ABCA13: variants seen among roughly 807,000 people sequenced by gnomAD.
The protein encoded by ABCA13 is ATP binding cassette subfamily A member 13, also known as ATP-binding cassette sub-family A member 13.
In ABCA13, 476 loss-of-function variants were observed where a neutral mutation model predicts 478.7. That is an observed-to-expected ratio of 0.99 (90% confidence interval 0.92 to 1.07). The LOEUF (loss-of-function observed/expected upper bound fraction) is 1.07. ABCA13 is among the 50% of genes least tolerant of loss of function. The pLI, the probability that ABCA13 is intolerant of heterozygous loss-of-function variation, is 0.00. For synonymous variants in ABCA13, 2,252 were observed against 2,158.9 expected, an observed-to-expected ratio of 1.04 and a Z score of -1.20; for missense variants, 6,060 against 5,910.6, an observed-to-expected ratio of 1.03 and a Z score of -0.83.
At chr7:48,544,666 T>C (rs1784658417) in intron 55 of ABCA13, among the ~76,000 whole-genome samples, 1 of 151,860 alleles carries the variant, frequency 6.6e-6, no homozygotes, top group East Asian at 1.9e-4. Context: ...ATTTCTATCT[T>C]TTGTAATAGT....
chr7:48,234,364 GA>G, intron 8 of ABCA13: 1 of 614,552 alleles, frequency 1.6e-6, no homozygotes. Flanking sequence ...TTTTATCCCA[GA>G]ATGGAAAGGC....
intron 58 of ABCA13, among the ~76,000 whole-genome samples, chr7:48,600,335 T>A (rs936497565): frequency 6.6e-6 from 1 of 151,716 alleles, no homozygotes; most frequent in Non-Finnish European, 1.5e-5. Flanking sequence ...ATAGATTGTG[T>A]ATAGTTGGAT....
intron 43 of ABCA13, 121 bp from the exon 44 acceptor site, chr7:48,466,835 G>C (rs1826927685): frequency 1.1e-6 from 1 of 885,648 alleles, no homozygotes; most frequent in Non-Finnish European, 1.9e-6. Context: ...CACTTACTAG[G>C]AATCATTAGA....
At position 48,587,302 on chromosome 7, in the gene ABCA13, T is replaced by C. The variant is rs1182373015; in HGVS notation, c.14640+14T>C. ...ATTCTTTTATTGGTGAGTAGAAGAA[T>C]GTCAATATCTTGGAGTAAGATACAT... On this transcript the variant is annotated intron_variant, in intron 57 of 61. Coordinates refer to ENST00000435803, the MANE Select transcript of ABCA13 (RefSeq NM_152701.5). 2 of 1,591,406 alleles carry C rather than the reference T, an allele frequency of 1.3e-6. No individual in the cohort carries two copies. Among genetic ancestry groups the C allele is most frequent in the Non-Finnish European group, 1.7e-6 (2 of 1,167,430 alleles).
chr7:48,547,386 G>A (rs2141251), intron 55 of ABCA13, among the ~76,000 whole-genome samples: 21,304 of 151,746 alleles, frequency 0.14, 2,075 homozygotes, highest in African/African-American at 0.23. Flanking sequence ...CTTATTCTGT[G>A]AAAGAAAATG....
intron 31 of ABCA13, among the ~76,000 whole-genome samples, chr7:48,357,076 C>T (rs192505558): frequency 1.2e-4 from 18 of 151,834 alleles, no homozygotes; most frequent in Admixed American, 8.5e-4. Flanking sequence ...TGATGGCTCC[C>T]GTGAGGCGTT....
At chr7:48,321,107 T>C (rs1803384581) in intron 27 of ABCA13, among the ~76,000 whole-genome samples, 2 of 151,086 alleles carry the variant, frequency 1.3e-5, no homozygotes, top group African/African-American at 2.4e-5. Flanking sequence ...CGGGGTGGGG[T>C]TGGAGAAATT....
intron 12 of ABCA13, 63 bp downstream of exon 12, chr7:48,245,675 A>G (rs1037129398): frequency 1.4e-5 from 21 of 1,544,738 alleles, no homozygotes; most frequent in South Asian, 4.8e-5. Context: ...AGCTCATGCA[A>G]TATTCAGTTT....
intron 17 of ABCA13, among the ~76,000 whole-genome samples, chr7:48,276,780 T>C (rs542124502): frequency 6.6e-6 from 1 of 152,330 alleles, no homozygotes; most frequent in South Asian, 2.1e-4. Flanking sequence ...CAGCCCAGGG[T>C]AATTAATCAC....
At chr7:48,475,012 G>A (rs1827927382) in intron 45 of ABCA13, among the ~76,000 whole-genome samples, 1 of 152,230 alleles carries the variant, frequency 6.6e-6, no homozygotes. Flanking sequence ...GCAGTATTAA[G>A]CAGGTATCTT....
chr7:48,495,643 G>T (rs1279146375), intron 48 of ABCA13, among the ~76,000 whole-genome samples: 6 of 152,080 alleles, frequency 3.9e-5, no homozygotes, highest in Non-Finnish European at 8.8e-5. Context: ...CATTTCGTTT[G>T]CTGAGAGGCG....
At chr7:48,420,321 A>G (rs1358104757) in intron 41 of ABCA13, among the ~76,000 whole-genome samples, 1 of 152,188 alleles carries the variant, frequency 6.6e-6, no homozygotes, top group Non-Finnish European at 1.5e-5. Flanking sequence ...AGGCATCTGT[A>G]CTTTCTACTC....
chr7:48,630,129 T>C (rs1794045698), intron 59 of ABCA13, among the ~76,000 whole-genome samples: 1 of 152,180 alleles, frequency 6.6e-6, no homozygotes, highest in South Asian at 2.1e-4. Flanking sequence ...TAATATCCTG[T>C]CAGTATTTCA....
chr7:48,187,874 A>G (rs986163978), intron 1 of ABCA13, among the ~76,000 whole-genome samples: 1 of 152,110 alleles, frequency 6.6e-6, no homozygotes, highest in Non-Finnish European at 1.5e-5. Context: ...TTTTCCAGGC[A>G]TGCTTTATGA....
At chr7:48,310,803 A>T (rs1004023810) in intron 24 of ABCA13, among the ~76,000 whole-genome samples, 3 of 152,170 alleles carry the variant, frequency 2.0e-5, no homozygotes, top group Non-Finnish European at 2.9e-5. Context: ...AGCTGGGGCA[A>T]GCCCAGGCCC....
Position 48,520,165 on chromosome 7 carries a change from G to T in ABCA13, c.13922G>T (p.Gly4641Val). The T allele has an allele frequency of 6.2e-7, 1 of 1,613,710 alleles. No homozygotes were observed. Among genetic ancestry groups the T allele is most frequent in the Non-Finnish European group, 8.5e-7 (1 of 1,179,806 alleles). ...AAATATGACCTGACCCACAACTTCG[G>T]CATTGATTCCTATGTGAGTCCCTTT... ...QIKYDLTHNF[G>V]IDSYVSPFEM... The change falls in exon 53 of 62, where the codon GGC (glycine) becomes GTC (valine). Residue 4641 changes from glycine (G) to valine (V), a missense_variant. Gly to Val is a moderately radical substitution (Grantham distance 109). Around this residue, in one of 3 missense-constraint regions of ABCA13, gnomAD observed 1,627 missense variants for 1,571.0 expected, o/e 1.04. Transcript: ENST00000435803.
intron 24 of ABCA13, among the ~76,000 whole-genome samples, chr7:48,312,049 C>A (rs1301527705): frequency 6.6e-6 from 1 of 152,174 alleles, no homozygotes; most frequent in African/African-American, 2.4e-5. Flanking sequence ...CACACCATTT[C>A]TCCTGCTAGA....
At chr7:48,393,940 T>C (rs1585134619) in intron 38 of ABCA13, among the ~76,000 whole-genome samples, 1 of 152,196 alleles carries the variant, frequency 6.6e-6, no homozygotes, top group Non-Finnish European at 1.5e-5. Context: ...TGCTGTCGGC[T>C]TCTTCTACCC....
chr7:48,498,614 G>A (rs1830473624), intron 48 of ABCA13, among the ~76,000 whole-genome samples: 2 of 152,082 alleles, frequency 1.3e-5, no homozygotes, highest in Non-Finnish European at 2.9e-5. Context: ...AAGAATAATA[G>A]AATAGCACCT....
Sources: gnomAD v4.1 joint callset for allele counts (sites outside exome capture counted in the v4.1 genomes callset) on GRCh38, gnomAD v4.1.1 for gene constraint, gnomAD v4.1.1 regional missense constraint, MANE v1.5 for transcripts, NCBI Gene and HGNC (gene_info 2026-07-23, HGNC 2026-07-21) for gene names.